Variants in SAMD12 observed in about 807,000 individuals in gnomAD.
SAMD12 encodes sterile alpha motif domain containing 12, also known as sterile alpha motif domain-containing protein 12.
A neutral mutation model predicts 15.0 loss-of-function variants in SAMD12; 9 were observed. The observed-to-expected ratio is 0.60, with a 90% CI of 0.36 to 1.05. SAMD12 has a LOEUF of 1.05. Ranked by LOEUF, SAMD12 falls within the 50% of genes least tolerant of loss-of-function variation. The pLI is 0.01. For missense variants in SAMD12, 230 were observed against 234.2 expected (o/e 0.98, Z 0.12); for synonymous variants, 86 against 90.1 (o/e 0.96, Z 0.25).
At chr8:118,227,626 T>C (rs761495137) in intron 4 of SAMD12, among the ~76,000 whole-genome samples, 3 of 152,230 alleles carry the variant, frequency 2.0e-5, no homozygotes, top group Non-Finnish European at 2.9e-5. Context: ...AATATTGTTA[T>C]GTGGTTTACT....
chr8:118,301,149 T>C (rs1815003211), intron 4 of SAMD12, among the ~76,000 whole-genome samples: 2 of 152,010 alleles, frequency 1.3e-5, no homozygotes, highest in African/African-American at 2.4e-5. Flanking sequence ...ACAAAAACTA[T>C]ATAAAAACCT....
chr8:118,369,114 G>A (rs902266678), intron 4 of SAMD12, among the ~76,000 whole-genome samples: 5 of 152,188 alleles, frequency 3.3e-5, no homozygotes, highest in African/African-American at 9.6e-5. Context: ...AAAGTGTGGA[G>A]CACACCGGAT....
chr8:118,366,821 T>TAA, intron 4 of SAMD12, among the ~76,000 whole-genome samples: 1 of 52,826 alleles, frequency 1.9e-5, no homozygotes, highest in Admixed American at 2.0e-4. Context: ...TCAAATAAAA[T>TAA]AAAATAAAAT....
At chr8:118,168,839 A>C in the SAMD12 span, among the ~76,000 whole-genome samples, 1 of 152,190 alleles carries the variant, frequency 6.6e-6, no homozygotes, top group Non-Finnish European at 1.5e-5. Context: ...AGAGGAAAAA[A>C]ATTAGGGGTA....
intron 4 of SAMD12, among the ~76,000 whole-genome samples, chr8:118,310,885 T>C (rs1175114224): frequency 6.6e-6 from 1 of 152,220 alleles, no homozygotes; most frequent in African/African-American, 2.4e-5. Context: ...ATAGATAGTT[T>C]GTTGAGGGCA....
intron 4 of SAMD12, among the ~76,000 whole-genome samples, chr8:118,303,028 G>A (rs1408650140): frequency 6.6e-6 from 1 of 152,152 alleles, no homozygotes; most frequent in South Asian, 2.1e-4. Flanking sequence ...TAATACATAT[G>A]GCTTTAAATT....
chr8:118,160,023 A>G, the SAMD12 span, among the ~76,000 whole-genome samples: 6 of 152,274 alleles, frequency 3.9e-5, no homozygotes, highest in East Asian at 7.7e-4. Flanking sequence ...CCCGGCCCAT[A>G]ACAAAACTTT....
At chr8:118,477,857 C>CA (rs1435283915) in intron 2 of SAMD12, among the ~76,000 whole-genome samples, 11 of 151,164 alleles carry the variant, frequency 7.3e-5, no homozygotes, top group South Asian at 2.1e-4. Context: ...ACTAAAAATA[C>CA]AAAAAAAATT....
chr8:118,247,673 A>G (rs1229785917), intron 4 of SAMD12, among the ~76,000 whole-genome samples: 1 of 151,918 alleles, frequency 6.6e-6, no homozygotes, highest in African/African-American at 2.4e-5. Context: ...GCTCACTGCA[A>G]CCTCCACCTC....
At chr8:118,429,166 C>T (rs1822323440) in intron 3 of SAMD12, among the ~76,000 whole-genome samples, 1 of 152,162 alleles carries the variant, frequency 6.6e-6, no homozygotes, top group Non-Finnish European at 1.5e-5. Context: ...TTAGCTATTA[C>T]ATAGTAATCT....
chr8:118,173,524 G>A, the SAMD12 span, among the ~76,000 whole-genome samples: 1 of 149,396 alleles, frequency 6.7e-6, no homozygotes, highest in South Asian at 2.1e-4. Context: ...GGCTATTTTT[G>A]GATGTGTTCT....
At chr8:118,548,979 G>A (rs1226352323) in intron 2 of SAMD12, among the ~76,000 whole-genome samples, 3 of 152,378 alleles carry the variant, frequency 2.0e-5, no homozygotes, top group East Asian at 1.9e-4. Context: ...TGGGGGAGGG[G>A]CGCCCGCCAT....
intron 4 of SAMD12, among the ~76,000 whole-genome samples, chr8:118,268,378 C>A (rs978050520): frequency 6.6e-6 from 1 of 152,184 alleles, no homozygotes. Flanking sequence ...AGTAAACTAT[C>A]ATCATAATTC....
At chr8:118,434,729 T>C (rs1822522278) in intron 3 of SAMD12, among the ~76,000 whole-genome samples, 2 of 152,198 alleles carry the variant, frequency 1.3e-5, no homozygotes, top group African/African-American at 4.8e-5. Context: ...CAAATTTCTT[T>C]CCTTTAAACC....
chr8:118,599,876 C>T (rs1827817765), intron 1 of SAMD12, among the ~76,000 whole-genome samples: 1 of 151,766 alleles, frequency 6.6e-6, no homozygotes, highest in Admixed American at 6.6e-5. Flanking sequence ...TCCATGTGAG[C>T]AAAAGGGAAG....
At chr8:118,463,339 G>A (rs1198797138) in intron 2 of SAMD12, among the ~76,000 whole-genome samples, 1 of 152,108 alleles carries the variant, frequency 6.6e-6, no homozygotes, top group Non-Finnish European at 1.5e-5. Context: ...CCATGACTCA[G>A]GCAGGTGTTA....
chr8:118,580,011 C>T (rs1206685881), intron 2 of SAMD12, among the ~76,000 whole-genome samples: 2 of 152,164 alleles, frequency 1.3e-5, no homozygotes, highest in Non-Finnish European at 2.9e-5. Context: ...TCACCAATGC[C>T]TATTTTGTCA....
At chr8:118,513,231 C>T (rs1217305072) in intron 2 of SAMD12, among the ~76,000 whole-genome samples, 1 of 152,024 alleles carries the variant, frequency 6.6e-6, no homozygotes, top group Non-Finnish European at 1.5e-5. Flanking sequence ...ATCCCAAATG[C>T]AACTAGCCTA....
At chr8:118,547,748 T>C (rs973760255) in intron 2 of SAMD12, among the ~76,000 whole-genome samples, 2 of 152,230 alleles carry the variant, frequency 1.3e-5, no homozygotes, top group African/African-American at 4.8e-5. Flanking sequence ...ATATAAAATA[T>C]GTATTTTTCT....
Sources: gnomAD v4.1 joint callset for allele counts (sites outside exome capture counted in the v4.1 genomes callset) on GRCh38, gnomAD v4.1.1 for gene constraint, MANE v1.5 for transcripts, NCBI Gene and HGNC (gene_info 2026-07-23, HGNC 2026-07-21) for gene names.